The following IFT80 variants were observed in gnomAD, a reference collection of about 807,000 sequenced individuals.
IFT80 encodes intraflagellar transport protein 80 homolog.
A neutral mutation model predicts 107.9 loss-of-function variants in IFT80; 79 were observed. That is an observed-to-expected ratio of 0.73 (90% CI 0.61 to 0.88). The LOEUF (loss-of-function observed/expected upper bound fraction) is 0.88. Among genes scored for constraint, IFT80 ranks in the 40% least tolerant of loss-of-function variants. The pLI, the probability that IFT80 is intolerant of heterozygous loss-of-function variation, is 0.00. For synonymous variants in IFT80, 299 were observed against 300.9 expected (o/e 0.99, Z 0.07); for missense variants, 797 against 914.2 (o/e 0.87, Z 1.65).
intron 19 of IFT80, among the ~76,000 whole-genome samples, chr3:160,266,739 T>G (rs1713362033): frequency 6.6e-6 from 1 of 152,178 alleles, no homozygotes; most frequent in Non-Finnish European, 1.5e-5. Flanking sequence ...GAAAAAATAT[T>G]GATGGCGAGG....
rs543837974 is a variant in IFT80, at chr3:160,385,831, T to C, written c.-46-1185A>G. On this transcript the variant is annotated intron_variant, in intron 1 of 19. Coordinates refer to ENST00000326448, the MANE Select transcript of IFT80 (RefSeq NM_020800.3). ...GACAGGGGAAAAAAGACTAATAACA[T>C]TTTACGAAATGCTGCTTTTTCACAA... 2.2e-3 allele frequency among the ~76,000 whole-genome samples: 340 copies of C among 152,292 alleles called. 3 individuals carry two copies. Among genetic ancestry groups the C allele is most frequent in the African/African-American group, 7.5e-3 (313 of 41,562 alleles).
In IFT80 at chr3:160,303,973, T is replaced by G; in HGVS notation, c.1093A>C (p.Thr365Pro). 1 of 1,610,068 alleles carries G rather than the reference T, an allele frequency of 6.2e-7. No homozygotes were observed. Among genetic ancestry groups the G allele is most frequent in the Non-Finnish European group, 8.5e-7 (1 of 1,176,614 alleles). Residue 365 changes from threonine (T) to proline (P), a missense_variant, in exon 11 of 20, where the codon ACA becomes CCA. Transcript: ENST00000326448. The part of the protein sequence containing the change: ...CYVFSTKNWN[T>P]PIIFDLKEGT... ...TCTTTGAGATCAAATATAATTGGTG[T>G]GTTCCAGTTCTTCGTGCTAAAAGAC...
At chr3:160,320,001 A>C in intron 8 of IFT80, 62 bp from the exon 9 acceptor site, 1 of 1,141,008 alleles carries the variant, frequency 8.8e-7, no homozygotes. Flanking sequence ...GGAAGTTTTA[A>C]ATCAGGCACA....
chr3:160,261,670 AT>A (rs1712844728), intron 19 of IFT80, among the ~76,000 whole-genome samples: 1 of 151,170 alleles, frequency 6.6e-6, no homozygotes, highest in Non-Finnish European at 1.5e-5. Flanking sequence ...GCTTGGTGGC[AT>A]TCATCTCTAG....
chr3:160,396,746 T>C (rs909616500), intron 1 of IFT80, among the ~76,000 whole-genome samples: 1 of 152,230 alleles, frequency 6.6e-6, no homozygotes, highest in Non-Finnish European at 1.5e-5. Context: ...CTTCTCTTTG[T>C]AATTAAACTC....
chr3:160,276,559 G>A (rs1714280975), intron 18 of IFT80, among the ~76,000 whole-genome samples: 1 of 152,146 alleles, frequency 6.6e-6, no homozygotes, highest in Admixed American at 6.5e-5. Context: ...AAAAACTATA[G>A]TTTTGTTCAC....
intron 12 of IFT80, among the ~76,000 whole-genome samples, chr3:160,292,156 G>A (rs1715611467): frequency 6.6e-6 from 1 of 152,186 alleles, no homozygotes; most frequent in African/African-American, 2.4e-5. Context: ...TCCGCACTGG[G>A]CTTTACTTAA....
chr3:160,275,850 C>G (rs1367390196), intron 18 of IFT80, among the ~76,000 whole-genome samples: 1 of 152,014 alleles, frequency 6.6e-6, no homozygotes. Flanking sequence ...ACTGTCTAAA[C>G]TAGTTACCTT....
chr3:160,337,431 C>T (rs1559947250), intron 8 of IFT80, among the ~76,000 whole-genome samples: 1 of 151,996 alleles, frequency 6.6e-6, no homozygotes, highest in Non-Finnish European at 1.5e-5. Context: ...CAAGACCAGC[C>T]TGGCCAACAT....
At chr3:160,362,541 C>T (rs930563939) in intron 6 of IFT80, among the ~76,000 whole-genome samples, 9 of 152,162 alleles carry the variant, frequency 5.9e-5, no homozygotes, top group Non-Finnish European at 8.8e-5. Flanking sequence ...CATGCTGATA[C>T]GAAAGCCTGG....
intron 5 of IFT80, among the ~76,000 whole-genome samples, chr3:160,374,107 T>C (rs1711791691): frequency 1.3e-5 from 2 of 151,664 alleles, no homozygotes; most frequent in South Asian, 4.2e-4. Flanking sequence ...TTGAAGGAAG[T>C]GGAAGAAGCA....
At chr3:160,289,852 A>G (rs1203047836) in intron 12 of IFT80, among the ~76,000 whole-genome samples, 2 of 152,080 alleles carry the variant, frequency 1.3e-5, no homozygotes, top group African/African-American at 4.8e-5. Flanking sequence ...CAAAATGGAC[A>G]CGGGGTGGAG....
chr3:160,304,427 G>T (rs1431664294), intron 10 of IFT80, among the ~76,000 whole-genome samples: 1 of 147,156 alleles, frequency 6.8e-6, no homozygotes, highest in African/African-American at 2.5e-5. Context: ...TCAGCCACTT[G>T]ATTTTTTCTT....
intron 6 of IFT80, among the ~76,000 whole-genome samples, chr3:160,364,255 C>T (rs927484035): frequency 9.9e-5 from 15 of 152,132 alleles, no homozygotes; most frequent in African/African-American, 3.6e-4. Flanking sequence ...TGAAAAAATG[C>T]TCATCAACAC....
chr3:160,311,568 G>C (rs1244852826), intron 9 of IFT80, among the ~76,000 whole-genome samples: 1 of 152,172 alleles, frequency 6.6e-6, no homozygotes, highest in Non-Finnish European at 1.5e-5. Flanking sequence ...TCAAGGAGTA[G>C]GAGGAATGAC....
chr3:160,377,102 G>A (rs1225103281), intron 4 of IFT80, among the ~76,000 whole-genome samples: 2 of 152,082 alleles, frequency 1.3e-5, no homozygotes, highest in Non-Finnish European at 2.9e-5. Context: ...GTAGGGCAGG[G>A]GATTGGAAAC....
chr3:160,329,697 T>C (rs1284743480), intron 8 of IFT80, among the ~76,000 whole-genome samples: 2 of 152,188 alleles, frequency 1.3e-5, no homozygotes, highest in African/African-American at 4.8e-5. Context: ...AATCATACTT[T>C]TGCATGACTG....
chr3:160,389,576 C>A (rs1225155080), intron 1 of IFT80, among the ~76,000 whole-genome samples: 2 of 145,190 alleles, frequency 1.4e-5, no homozygotes, highest in African/African-American at 5.1e-5. Context: ...TGAGAATATG[C>A]GGTGTTTGGT....
intron 8 of IFT80, among the ~76,000 whole-genome samples, chr3:160,339,297 A>G (rs1719716963): frequency 6.6e-6 from 1 of 152,192 alleles, no homozygotes; most frequent in African/African-American, 2.4e-5. Context: ...TTTTGAGACT[A>G]CAACATAATA....
Sources: gnomAD v4.1 joint callset for allele counts (sites outside exome capture counted in the v4.1 genomes callset) on GRCh38, gnomAD v4.1.1 for gene constraint, MANE v1.5 for transcripts, NCBI Gene and HGNC (gene_info 2026-07-23, HGNC 2026-07-21) for gene names.